Variants in SLC35F1 observed in about 807,000 individuals in gnomAD.
SLC35F1 encodes the protein solute carrier family 35 member F1.
A neutral mutation model predicts 48.7 loss-of-function variants in SLC35F1; 14 were observed. The ratio of observed to expected loss-of-function variants is 0.29; its 90% CI spans 0.19 to 0.45. The LOEUF (loss-of-function observed/expected upper bound fraction) is 0.45, where lower values mean the gene tolerates loss of function less well. SLC35F1 is among the 20% of genes least tolerant of loss of function. SLC35F1 has a pLI of 1.00. For synonymous variants in SLC35F1, 190 were observed against 202.2 expected (o/e 0.94, Z 0.51); for missense variants, 404 against 500.0 (o/e 0.81, Z 1.83).
intron 1 of SLC35F1, among the ~76,000 whole-genome samples, chr6:117,955,209 G>C (rs1443513589): frequency 6.6e-6 from 1 of 152,100 alleles, no homozygotes; most frequent in Non-Finnish European, 1.5e-5. Flanking sequence ...CATAACTCTT[G>C]ATTTTCTAAG....
intron 1 of SLC35F1, among the ~76,000 whole-genome samples, chr6:118,130,848 A>T (rs1476031509): frequency 6.6e-6 from 1 of 152,198 alleles, no homozygotes; most frequent in Non-Finnish European, 1.5e-5. Flanking sequence ...ATTTAAATAA[A>T]AGTAACAGAA....
At chr6:118,118,413 A>C (rs1435568412) in intron 1 of SLC35F1, among the ~76,000 whole-genome samples, 3 of 152,204 alleles carry the variant, frequency 2.0e-5, no homozygotes, top group Non-Finnish European at 4.4e-5. Flanking sequence ...TTACCATGGA[A>C]AATCAGCTCT....
chr6:117,950,730 C>G (rs574036212), intron 1 of SLC35F1, among the ~76,000 whole-genome samples: 1 of 152,058 alleles, frequency 6.6e-6, no homozygotes, highest in Non-Finnish European at 1.5e-5. Flanking sequence ...TCTGAAATAA[C>G]GTTTACAATT....
At chr6:118,187,439 C>A in intron 2 of SLC35F1, among the ~76,000 whole-genome samples, 1 of 152,128 alleles carries the variant, frequency 6.6e-6, no homozygotes, top group Admixed American at 6.5e-5. Flanking sequence ...AGTGAAACAA[C>A]AAAAAGAAGT....
intron 3 of SLC35F1, among the ~76,000 whole-genome samples, chr6:118,260,024 T>C (rs1423880964): frequency 1.3e-5 from 2 of 152,032 alleles, no homozygotes; most frequent in East Asian, 3.8e-4. Flanking sequence ...ATCCATACAG[T>C]GCAATATTAT....
In SLC35F1 at chr6:117,966,168, C is replaced by T. The variant is rs1011678803; in HGVS notation, c.173+58269C>T. On this transcript the variant is annotated intron_variant, in intron 1 of 7. Coordinates refer to ENST00000360388, the MANE Select transcript of SLC35F1 (RefSeq NM_001029858.4). Reference sequence around the variant, plus strand: ...ACTCCCGCCCCGCCCCAAGCAGCAGCGGTACCCTGCTGGGGTCCCTGTCCA... The same window carrying T: ...ACTCCCGCCCCGCCCCAAGCAGCAGTGGTACCCTGCTGGGGTCCCTGTCCA... Among the ~76,000 whole-genome samples the T allele has an allele frequency of 1.7e-4, 24 of 144,290 alleles. 1 individual carries two copies. Among genetic ancestry groups the T allele is most frequent in the African/African-American group, 5.3e-4 (20 of 37,904 alleles). 94.7% of individuals were successfully genotyped at this position (144,290 alleles called of 152,430 possible).
At chr6:118,139,434 A>T (rs1383872693) in intron 1 of SLC35F1, among the ~76,000 whole-genome samples, 1 of 152,134 alleles carries the variant, frequency 6.6e-6, no homozygotes, top group Non-Finnish European at 1.5e-5. Flanking sequence ...TTCTTTATGG[A>T]TAGTTCAAAA....
At chr6:118,010,966 T>C (rs924914729) in intron 1 of SLC35F1, among the ~76,000 whole-genome samples, 5 of 152,150 alleles carry the variant, frequency 3.3e-5, no homozygotes, top group African/African-American at 1.2e-4. Flanking sequence ...CATTTGGCAA[T>C]ATTTGGAGAC....
intron 1 of SLC35F1, among the ~76,000 whole-genome samples, chr6:118,107,076 G>C (rs1310532905): frequency 6.6e-6 from 1 of 152,188 alleles, no homozygotes; most frequent in African/African-American, 2.4e-5. Context: ...TGGATGGCAA[G>C]CTCAGTAAGG....
chr6:118,179,443 C>T (rs562201893), intron 2 of SLC35F1, among the ~76,000 whole-genome samples: 1 of 152,278 alleles, frequency 6.6e-6, no homozygotes, highest in South Asian at 2.1e-4. Context: ...TGCCTTTCTT[C>T]TGCCTTTTTG....
intron 2 of SLC35F1, among the ~76,000 whole-genome samples, chr6:118,186,792 G>A (rs1774662686): frequency 6.6e-6 from 1 of 152,192 alleles, no homozygotes; most frequent in Admixed American, 6.5e-5. Flanking sequence ...GGTGAACTCA[G>A]AGAACCCCAC....
intron 1 of SLC35F1, among the ~76,000 whole-genome samples, chr6:117,908,377 C>G (rs571741037): frequency 2.0e-4 from 30 of 152,296 alleles, no homozygotes; most frequent in Non-Finnish European, 3.8e-4. Flanking sequence ...GACCCCTTGC[C>G]GGGGGAATGG....
Position 117,966,154 on chromosome 6 carries a change from G to A in SLC35F1, c.173+58255G>A, listed in dbSNP as rs1031470839. On this transcript the variant is annotated intron_variant, in intron 1 of 7. Transcript: ENST00000360388. ...CCGCCCCCCCCCCCACTCCCGCCCC[G>A]CCCCAAGCAGCAGCGGTACCCTGCT... Among the ~76,000 whole-genome samples the A allele has an allele frequency of 6.2e-3, 379 of 61,510 alleles. 4 individuals carry two copies. Among genetic ancestry groups the A allele is most frequent in the African/African-American group, 0.024 (355 of 14,808 alleles). 40.4% of individuals were successfully genotyped at this position (61,510 alleles called of 152,430 possible). A position where few individuals can be genotyped will look rare whatever the true frequency, so the allele number is the denominator to read the frequency against.
intron 2 of SLC35F1, among the ~76,000 whole-genome samples, chr6:118,214,864 T>C (rs1394637725): frequency 6.6e-6 from 1 of 152,180 alleles, no homozygotes; most frequent in East Asian, 1.9e-4. Flanking sequence ...GGGGTGTAAA[T>C]CAATGACATC....
intron 2 of SLC35F1, among the ~76,000 whole-genome samples, chr6:118,223,684 G>A (rs1415659584): frequency 1.3e-5 from 2 of 152,242 alleles, no homozygotes; most frequent in African/African-American, 4.8e-5. Flanking sequence ...ACGGGGAGAA[G>A]AGGCCAGCCA....
At chr6:118,211,629 A>G (rs144754832) in intron 2 of SLC35F1, among the ~76,000 whole-genome samples, 9 of 152,328 alleles carry the variant, frequency 5.9e-5, no homozygotes, top group Non-Finnish European at 1.3e-4. Context: ...ACCCTTGAGG[A>G]GAGTTTATGC....
chr6:118,249,963 A>C (rs1209599545), intron 3 of SLC35F1, among the ~76,000 whole-genome samples: 1 of 152,206 alleles, frequency 6.6e-6, no homozygotes, highest in Non-Finnish European at 1.5e-5. Context: ...CCCGTGGCAG[A>C]AATCATCTCA....
At chr6:118,097,379 G>T (rs924780141) in intron 1 of SLC35F1, among the ~76,000 whole-genome samples, 5 of 152,170 alleles carry the variant, frequency 3.3e-5, no homozygotes, top group African/African-American at 1.2e-4. Flanking sequence ...AGGAGAGTTT[G>T]CCCCTTCCTT....
At chr6:118,280,879 A>T (rs1322477398) in intron 6 of SLC35F1, among the ~76,000 whole-genome samples, 1 of 143,556 alleles carries the variant, frequency 7.0e-6, no homozygotes, top group Non-Finnish European at 1.6e-5. Context: ...CAAAAAAAAA[A>T]AAACAATACA....
Sources: allele counts gnomAD v4.1 joint callset (sites outside exome capture counted in the v4.1 genomes callset), GRCh38; gene constraint gnomAD v4.1.1; transcripts MANE v1.5; gene names NCBI Gene and HGNC (gene_info 2026-07-23, HGNC 2026-07-21).